The following TMTC2 variants were observed in gnomAD, a reference collection of about 807,000 sequenced individuals.
TMTC2 encodes protein O-mannosyl-transferase TMTC2.
A neutral mutation model predicts 82.4 loss-of-function variants in TMTC2; 43 were observed. The ratio of observed to expected loss-of-function variants is 0.52; its 90% confidence interval spans 0.41 to 0.67. The LOEUF (loss-of-function observed/expected upper bound fraction) is 0.67. TMTC2 is among the 30% of genes least tolerant of loss of function. The pLI, the probability that TMTC2 is intolerant of heterozygous loss-of-function variation, is 0.00. For missense variants in TMTC2, 919 were observed against 1,012.4 expected (o/e 0.91, Z 1.25); for synonymous variants, 408 against 381.9 (o/e 1.07, Z -0.80).
At chr12:82,839,262 T>C (rs989697897) in intron 1 of TMTC2, among the ~76,000 whole-genome samples, 1 of 152,200 alleles carries the variant, frequency 6.6e-6, no homozygotes, top group African/African-American at 2.4e-5. Context: ...ACTATAACAT[T>C]TGGTCATCCT....
intron 11 of TMTC2, among the ~76,000 whole-genome samples, chr12:83,098,071 T>G (rs1884091926): frequency 6.6e-6 from 1 of 152,190 alleles, no homozygotes; most frequent in African/African-American, 2.4e-5. Context: ...GGAGAATGGA[T>G]TTGTGGGACA....
Position 83,132,203 on chromosome 12 carries a change from G to T in TMTC2, c.2332-7G>T, listed in dbSNP as rs1885277464. ...CCTAATTGTTTTCCTTCTTTCTCTT[G>T]TTGCAGTATCCGGCTGCTTTGATGA... On this transcript the variant is annotated splice_polypyrimidine_tract_variant and splice_region_variant and intron_variant, in intron 11 of 11. Transcript: ENST00000321196. 6.3e-7 allele frequency: 1 copy of T among 1,585,306 alleles called. No individual in the cohort carries two copies.
chr12:82,955,354 C>T (rs1028191855), intron 4 of TMTC2, among the ~76,000 whole-genome samples: 1 of 152,190 alleles, frequency 6.6e-6, no homozygotes, highest in African/African-American at 2.4e-5. Context: ...CCTAGGGACC[C>T]ATATGCCTAT....
chr12:82,707,065 T>A (rs957999495), intron 1 of TMTC2, among the ~76,000 whole-genome samples: 6 of 152,244 alleles, frequency 3.9e-5, no homozygotes, highest in Admixed American at 3.9e-4. Context: ...TGTCTCAATA[T>A]GTTTGAGCTG....
chr12:82,709,665 G>A (rs752412201), intron 1 of TMTC2, among the ~76,000 whole-genome samples: 24 of 152,040 alleles, frequency 1.6e-4, no homozygotes, highest in Non-Finnish European at 3.1e-4. Flanking sequence ...CCTGGAGCTA[G>A]TGAATTCAAT....
intron 1 of TMTC2, among the ~76,000 whole-genome samples, chr12:82,795,874 C>T (rs1266719445): frequency 6.6e-6 from 1 of 152,112 alleles, no homozygotes; most frequent in Non-Finnish European, 1.5e-5. Context: ...AGTCAGTCTC[C>T]AGTGTTTTGT....
In TMTC2 at chr12:83,068,732, A is replaced by T. The variant is rs776630610; in HGVS notation, c.2331+6901A>T. On this transcript the variant is annotated intron_variant, in intron 11 of 11. Transcript: ENST00000321196. ...TTTTTTATTTATTATTTATTTTTCC[A>T]TAAGTTGGGGTACAGGCAGTATTTG... Among the ~76,000 whole-genome samples, 67 of 152,076 alleles carry T rather than the reference A, an allele frequency of 4.4e-4. 1 individual carries two copies. The highest frequency in any genetic ancestry group is 4.7e-4 in the Non-Finnish European group (32 of 67,974).
At chr12:82,910,875 TTC>T (rs1310302378) in intron 3 of TMTC2, among the ~76,000 whole-genome samples, 1 of 151,864 alleles carries the variant, frequency 6.6e-6, no homozygotes, top group African/African-American at 2.4e-5. Flanking sequence ...GGTTGTTTTT[TTC>T]TTTTTTTTTT....
intron 3 of TMTC2, among the ~76,000 whole-genome samples, chr12:82,925,073 A>G (rs1565812436): frequency 6.6e-6 from 1 of 152,188 alleles, no homozygotes; most frequent in Non-Finnish European, 1.5e-5. Flanking sequence ...CTTATGTGGC[A>G]TCAGCAGTCC....
In TMTC2 at chr12:83,132,627, C is replaced by A. The variant is rs1885299628; in HGVS notation, c.*238C>A. 3 of 465,972 alleles carry A rather than the reference C, an allele frequency of 6.4e-6. No individual in the cohort carries two copies. Among genetic ancestry groups the A allele is most frequent in the Non-Finnish European group, 1.1e-5 (3 of 268,916 alleles). 28.9% of individuals were successfully genotyped at this position (465,972 alleles called of 1,614,324 possible). ...GTCATTGTTACCCATAGACTGTAAA[C>A]CAGAGCACTTAAAACAGAACCTTTT... On this transcript the variant is annotated 3_prime_UTR_variant, in exon 12 of 12. Coordinates refer to ENST00000321196, the MANE Select transcript of TMTC2 (RefSeq NM_152588.3).
intron 1 of TMTC2, among the ~76,000 whole-genome samples, chr12:82,707,247 G>C (rs984285549): frequency 6.6e-6 from 1 of 152,106 alleles, no homozygotes; most frequent in African/African-American, 2.4e-5. Flanking sequence ...CATGGAGGTC[G>C]GGGGCAAGGG....
intron 4 of TMTC2, among the ~76,000 whole-genome samples, chr12:82,957,017 A>T (rs924055919): frequency 2.0e-5 from 3 of 152,136 alleles, no homozygotes; most frequent in Non-Finnish European, 4.4e-5. Context: ...TAGATTCAAC[A>T]CTGGACCAAC....
At position 83,087,936 on chromosome 12, in the gene TMTC2, A is replaced by C. The variant is rs1197618136; in HGVS notation, c.2331+26105A>C. 2.0e-5 allele frequency among the ~76,000 whole-genome samples: 3 copies of C among 152,202 alleles called. No individual in the cohort carries two copies. The East Asian group carries it at 5.8e-4, about 29-fold the overall frequency. ...CACACAGTCTGTCCTTGAAGCTTTGAAGCCAGGCAGTGACTTCTCTCTGGC... is the reference window on the plus strand; with the variant it reads ...CACACAGTCTGTCCTTGAAGCTTTGCAGCCAGGCAGTGACTTCTCTCTGGC... On this transcript the variant is annotated intron_variant, in intron 11 of 11. Coordinates refer to ENST00000321196, the MANE Select transcript of TMTC2 (RefSeq NM_152588.3).
intron 7 of TMTC2, among the ~76,000 whole-genome samples, chr12:82,969,302 C>A (rs770805663): frequency 3.3e-5 from 5 of 152,110 alleles, no homozygotes; most frequent in Admixed American, 6.5e-5. Context: ...TAATGTCTGG[C>A]TAGATTTAGC....
chr12:83,134,394 A>C lies in TMTC2; in HGVS notation c.*2005A>C, dbSNP rs576681642. On this transcript the variant is annotated 3_prime_UTR_variant, in exon 12 of 12. Coordinates refer to ENST00000321196, the MANE Select transcript of TMTC2 (RefSeq NM_152588.3). ...TGACCTATGATGACTTTCTAGTCTT[A>C]ACATTTTATCTTTTTATTGTTGTTG... 4.4e-4 allele frequency: 67 copies of C among 152,142 alleles called. No homozygotes were observed. Among genetic ancestry groups the C allele is most frequent in the African/African-American group, 1.6e-3 (65 of 41,460 alleles). The allele number at this position is 152,142 out of a possible 1,614,324, so 9.4% of individuals were successfully genotyped here. A position where few individuals can be genotyped will look rare whatever the true frequency, so the allele number is the denominator to read the frequency against.
intron 3 of TMTC2, among the ~76,000 whole-genome samples, chr12:82,899,634 G>GAA (rs1873869830): frequency 8.0e-6 from 1 of 124,850 alleles, no homozygotes; most frequent in African/African-American, 3.5e-5. Context: ...ATATATATGT[G>GAA]GAATATATAT....
chr12:82,687,806 A>AT (rs1270115153), intron 1 of TMTC2, 137 bp downstream of exon 1: 1 of 809,116 alleles, frequency 1.2e-6, no homozygotes, highest in Non-Finnish European at 1.9e-6. Flanking sequence ...ACACGTAAAC[A>AT]TTAACACCTA....
chr12:82,788,671 G>T (rs1878303830), intron 1 of TMTC2, among the ~76,000 whole-genome samples: 1 of 152,078 alleles, frequency 6.6e-6, no homozygotes, highest in Non-Finnish European at 1.5e-5. Context: ...ATGTTCAGGA[G>T]CTAATGTCCT....
At chr12:83,058,500 T>A (rs1278578765) in intron 10 of TMTC2, among the ~76,000 whole-genome samples, 1 of 151,796 alleles carries the variant, frequency 6.6e-6, no homozygotes, top group African/African-American at 2.4e-5. Flanking sequence ...CCAACAGCTA[T>A]GATAGGTAGG....
Sources: gnomAD v4.1 joint callset for allele counts (sites outside exome capture counted in the v4.1 genomes callset) on GRCh38, gnomAD v4.1.1 for gene constraint, MANE v1.5 for transcripts, NCBI Gene and HGNC (gene_info 2026-07-23, HGNC 2026-07-21) for gene names.